TEX14: variants seen among roughly 807,000 people sequenced by gnomAD.
TEX14 encodes the protein inactive serine/threonine-protein kinase TEX14.
A neutral mutation model predicts 178.6 loss-of-function variants in TEX14; 168 were observed. The ratio of observed to expected loss-of-function variants is 0.94; its 90% CI spans 0.83 to 1.07. The LOEUF (loss-of-function observed/expected upper bound fraction) is 1.07. Ranked by LOEUF, TEX14 falls within the 50% of genes least tolerant of loss-of-function variation. The pLI, the probability that TEX14 is intolerant of heterozygous loss-of-function variation, is 0.00. For synonymous variants in TEX14, 626 were observed against 634.1 expected, an observed-to-expected ratio of 0.99 and a Z score of 0.19; for missense variants, 1,730 against 1,753.6, an observed-to-expected ratio of 0.99 and a Z score of 0.24.
chr17:58,573,801 G>C (rs565057618), intron 22 of TEX14, among the ~76,000 whole-genome samples: 3 of 152,290 alleles, frequency 2.0e-5, no homozygotes, highest in Admixed American at 2.0e-4. Flanking sequence ...TTACAGGCAT[G>C]AGCCACCACA....
intron 1 of TEX14, among the ~76,000 whole-genome samples, chr17:58,687,665 A>C (rs544919320): frequency 1.3e-4 from 20 of 152,122 alleles, no homozygotes; most frequent in African/African-American, 4.6e-4. Context: ...CTATGTTCTT[A>C]GGCTAAAAAA....
At chr17:58,642,504 C>CAT (rs1489228315) in intron 2 of TEX14, among the ~76,000 whole-genome samples, 2 of 151,746 alleles carry the variant, frequency 1.3e-5, no homozygotes, top group South Asian at 2.1e-4. Flanking sequence ...AGAGCAGTTC[C>CAT]ATATATATAT....
At chr17:58,666,856 A>C (rs551525592) in intron 1 of TEX14, among the ~76,000 whole-genome samples, 1 of 152,312 alleles carries the variant, frequency 6.6e-6, no homozygotes, top group East Asian at 1.9e-4. Context: ...GAGTTGTGCA[A>C]ATCCTTCCAA....
At chr17:58,623,279 A>G (rs1299682510) in intron 3 of TEX14, among the ~76,000 whole-genome samples, 1 of 152,138 alleles carries the variant, frequency 6.6e-6, no homozygotes, top group Non-Finnish European at 1.5e-5. Flanking sequence ...ACAGATGAGG[A>G]AACAAAACGG....
At chr17:58,651,773 G>T in intron 2 of TEX14, 93 bp downstream of exon 2, 1 of 1,175,154 alleles carries the variant, frequency 8.5e-7, no homozygotes. Flanking sequence ...TTTCCCCAAG[G>T]ACTCATTCAT....
At chr17:58,606,147 C>T (rs997232525) in intron 10 of TEX14, among the ~76,000 whole-genome samples, 3 of 152,166 alleles carry the variant, frequency 2.0e-5, no homozygotes, top group African/African-American at 7.2e-5. Flanking sequence ...TCTTCCCAAC[C>T]AGACTCCTTA....
At chr17:58,625,231 C>T (rs2046108557) in intron 3 of TEX14, among the ~76,000 whole-genome samples, 1 of 151,864 alleles carries the variant, frequency 6.6e-6, no homozygotes, top group South Asian at 2.1e-4. Flanking sequence ...CTCTCGTGTT[C>T]AAGAGATTCT....
chr17:58,644,707 T>C (rs1309928075), intron 2 of TEX14, among the ~76,000 whole-genome samples: 1 of 136,578 alleles, frequency 7.3e-6, no homozygotes, highest in Admixed American at 7.9e-5. Flanking sequence ...AGTGGCAAGA[T>C]CTCGGCTCAC....
intron 1 of TEX14, among the ~76,000 whole-genome samples, chr17:58,655,975 A>G (rs2046949717): frequency 6.6e-6 from 1 of 152,168 alleles, no homozygotes; most frequent in East Asian, 1.9e-4. Context: ...GTTTTGGGGA[A>G]GTACTCCTGG....
intron 3 of TEX14, 132 bp from the exon 4 acceptor site, chr17:58,623,144 T>C: frequency 1.5e-6 from 1 of 674,404 alleles, no homozygotes; most frequent in Non-Finnish European, 2.4e-6. Flanking sequence ...ACAACATCAT[T>C]TGTGAGGCCC....
At chr17:58,564,461 T>C (rs928641867) in intron 28 of TEX14, among the ~76,000 whole-genome samples, 2 of 152,202 alleles carry the variant, frequency 1.3e-5, no homozygotes, top group Admixed American at 1.3e-4. Flanking sequence ...GTATCAACAG[T>C]AGTCAAACTC....
intron 2 of TEX14, among the ~76,000 whole-genome samples, chr17:58,634,356 T>A (rs2144591441): frequency 6.6e-6 from 1 of 152,216 alleles, no homozygotes; most frequent in South Asian, 2.1e-4. Context: ...GAGGTTGCAG[T>A]GAGCTGAGAT....
At chr17:58,660,463 G>A (rs764118913) in intron 1 of TEX14, 2 of 590,288 alleles carry the variant, frequency 3.4e-6, no homozygotes, top group Non-Finnish European at 6.2e-6. Context: ...GCAACATTAA[G>A]CATCTTTGCC....
At chr17:58,679,797 T>C (rs2047470491) in intron 1 of TEX14, 2 of 152,120 alleles carry the variant, frequency 1.3e-5, no homozygotes, top group African/African-American at 4.8e-5. Context: ...GGAATAAAGA[T>C]ATTTTCCAAA....
intron 18 of TEX14, 63 bp downstream of exon 18, chr17:58,585,738 G>A: frequency 6.5e-7 from 1 of 1,544,264 alleles, no homozygotes; most frequent in South Asian, 1.2e-5. Context: ...TACAGGCTGA[G>A]CCACCTCGCC....
intron 21 of TEX14, among the ~76,000 whole-genome samples, chr17:58,576,421 T>TTGCAGTGAGCTGAGATCACGCCAC (rs1314107209): frequency 8.5e-5 from 13 of 152,076 alleles, no homozygotes; most frequent in South Asian, 4.2e-4. Context: ...GAGGTGGAGG[T>TTGCAGTGAGCTGAGATCACGCCAC]TGCAGTGAGC....
intron 1 of TEX14, among the ~76,000 whole-genome samples, chr17:58,684,003 T>C (rs965187743): frequency 7.9e-5 from 12 of 152,034 alleles, no homozygotes; most frequent in Non-Finnish European, 1.5e-4. Context: ...AGACGGAGGT[T>C]GCAGTGAGCC....
intron 1 of TEX14, among the ~76,000 whole-genome samples, chr17:58,669,382 G>C (rs1340060347): frequency 6.6e-6 from 1 of 151,480 alleles, no homozygotes; most frequent in African/African-American, 2.4e-5. Flanking sequence ...ACAGGAGGGG[G>C]TGTGGAGAGG....
rs147807243 is a variant in TEX14, at chr17:58,685,144, A to G, written c.-2+6795T>C. On this transcript the variant is annotated intron_variant, in intron 1 of 31. Coordinates refer to ENST00000349033, the MANE Select transcript of TEX14 (RefSeq NM_031272.5). Reference sequence around the variant, plus strand: ...ACCAAAGTCAGAATACAAAAATTGAATACATTAGATTTGGCCTAGTTTTGA... The same window carrying G: ...ACCAAAGTCAGAATACAAAAATTGAGTACATTAGATTTGGCCTAGTTTTGA... 5.1e-4 allele frequency among the ~76,000 whole-genome samples: 78 copies of G among 152,296 alleles called. 2 individuals carry two copies. The East Asian group carries it at 0.014, about 27-fold the overall frequency.
Sources: gnomAD v4.1 joint callset for allele counts (sites outside exome capture counted in the v4.1 genomes callset) on GRCh38, gnomAD v4.1.1 for gene constraint, MANE v1.5 for transcripts, NCBI Gene and HGNC (gene_info 2026-07-23, HGNC 2026-07-21) for gene names.